The following RPH3A variants were observed in gnomAD, a reference collection of about 807,000 sequenced individuals.
RPH3A encodes the protein rabphilin-3A.
In RPH3A, 48 loss-of-function variants were observed where a neutral mutation model predicts 102.2. The observed-to-expected ratio is 0.47, with a 90% CI of 0.37 to 0.60. RPH3A has a LOEUF of 0.60. Among genes scored for constraint, RPH3A ranks in the 20% least tolerant of loss-of-function variants. The probability of loss-of-function intolerance (pLI) is 0.00; values close to 1 mark genes in which losing one functional copy is unlikely to be tolerated. For synonymous variants in RPH3A, 310 were observed against 324.3 expected (o/e 0.96, Z 0.47); for missense variants, 781 against 910.1 (o/e 0.86, Z 1.83).
At chr12:112,727,457 AGACACACACACAC>A (rs2040600769) in intron 1 of RPH3A, among the ~76,000 whole-genome samples, 1 of 42,318 alleles carries the variant, frequency 2.4e-5, no homozygotes, top group Non-Finnish European at 3.9e-5. Context: ...ACACAGACAC[AGACACACACACAC>A]ACACACACAC....
At chr12:112,863,051 A>G (rs1198598747) in intron 5 of RPH3A, among the ~76,000 whole-genome samples, 1 of 152,092 alleles carries the variant, frequency 6.6e-6, no homozygotes, top group Non-Finnish European at 1.5e-5. Context: ...ATGGGCAAGG[A>G]GATGACTTCA....
intron 1 of RPH3A, chr12:112,617,938 G>A (rs754019068): frequency 6.6e-6 from 1 of 152,222 alleles, no homozygotes; most frequent in Non-Finnish European, 1.5e-5. Flanking sequence ...TAAGGCAGAA[G>A]AGTGTAAAGG....
chr12:112,647,870 A>G (rs1283765435), intron 1 of RPH3A, among the ~76,000 whole-genome samples: 1 of 152,204 alleles, frequency 6.6e-6, no homozygotes, highest in Non-Finnish European at 1.5e-5. Context: ...ATGAAAGTCA[A>G]ATGCTTTGAA....
intron 1 of RPH3A, among the ~76,000 whole-genome samples, chr12:112,627,848 A>G (rs2039777044): frequency 1.3e-5 from 2 of 152,152 alleles, no homozygotes. Context: ...ATTTGTAAAG[A>G]AAAGAGGTTT....
intron 5 of RPH3A, among the ~76,000 whole-genome samples, chr12:112,852,444 C>T: frequency 6.6e-6 from 1 of 152,168 alleles, no homozygotes; most frequent in East Asian, 1.9e-4. Flanking sequence ...TATAAGGGTT[C>T]AGAGATATCT....
chr12:112,837,172 A>T (rs2042065981), intron 4 of RPH3A, among the ~76,000 whole-genome samples: 1 of 152,196 alleles, frequency 6.6e-6, no homozygotes, highest in Non-Finnish European at 1.5e-5. Flanking sequence ...CCCCGCAATC[A>T]TGGGACTCTG....
intron 1 of RPH3A, among the ~76,000 whole-genome samples, chr12:112,752,592 GT>G (rs1257949145): frequency 1.1e-4 from 10 of 94,882 alleles, no homozygotes; most frequent in African/African-American, 5.0e-4. Flanking sequence ...GAGCAGGCAA[GT>G]CTTTTTTTTT....
At chr12:112,831,650 C>T (rs2041972380) in intron 3 of RPH3A, 3 of 305,520 alleles carry the variant, frequency 9.8e-6, no homozygotes, top group Non-Finnish European at 2.0e-5. Context: ...TTTACTTCTT[C>T]CTGAAGTACA....
intron 1 of RPH3A, among the ~76,000 whole-genome samples, chr12:112,677,443 T>A (rs1004942788): frequency 4.5e-5 from 5 of 110,976 alleles, no homozygotes; most frequent in Admixed American, 9.1e-5. Flanking sequence ...CCTTCCTTCC[T>A]TCCTTCCTTC....
At chr12:112,895,510 T>C (rs1227154657) in intron 20 of RPH3A, 2 of 385,522 alleles carry the variant, frequency 5.2e-6, no homozygotes, top group Non-Finnish European at 9.6e-6. Flanking sequence ...AAACTTGAGC[T>C]CTATTAGAAA....
At position 112,853,277 on chromosome 12, in the gene RPH3A, C is replaced by T. The variant is rs143771031; in HGVS notation, c.230+5435C>T. 4.9e-3 allele frequency among the ~76,000 whole-genome samples: 742 copies of T among 152,282 alleles called. 6 individuals are homozygous for T. Among genetic ancestry groups the T allele is most frequent in the African/African-American group, 0.017 (695 of 41,556 alleles). Reference sequence around the variant, plus strand: ...TCTTTCTAAAGGAGGACTCTTCTCCCGCATTTAAACCTAAAGTCTTCAACA... The same window carrying T: ...TCTTTCTAAAGGAGGACTCTTCTCCTGCATTTAAACCTAAAGTCTTCAACA... On this transcript the variant is annotated intron_variant, in intron 5 of 21. Coordinates refer to ENST00000389385, the MANE Select transcript of RPH3A (RefSeq NM_001143854.2).
chr12:112,594,476 A>G (rs952477886), intron 1 of RPH3A, among the ~76,000 whole-genome samples: 1 of 151,926 alleles, frequency 6.6e-6, no homozygotes, highest in African/African-American at 2.4e-5. Context: ...CCTTCCATCT[A>G]TCCATCTCAT....
chr12:112,896,510 T>G lies in RPH3A; in HGVS notation c.1955-140T>G. ...AATAATAACAACAACAGCAGCAACGTTATAACAACTCTCTATAGAGTATGG... is the reference window on the plus strand; with the variant it reads ...AATAATAACAACAACAGCAGCAACGGTATAACAACTCTCTATAGAGTATGG... On this transcript the variant is annotated intron_variant, in intron 21 of 21. Coordinates refer to ENST00000389385, the MANE Select transcript of RPH3A (RefSeq NM_001143854.2). 13 of 940,932 alleles carry G rather than the reference T, an allele frequency of 1.4e-5. No homozygotes were observed. The South Asian group carries it at 2.3e-4, about 16-fold the overall frequency. 58.3% of individuals were successfully genotyped at this position (940,932 alleles called of 1,614,324 possible).
chr12:112,870,253 T>C (rs1174918331), intron 10 of RPH3A, among the ~76,000 whole-genome samples: 1 of 147,728 alleles, frequency 6.8e-6, no homozygotes, highest in Non-Finnish European at 1.5e-5. Context: ...TTTGGTTAGA[T>C]CCTTTTCTTG....
intron 7 of RPH3A, 82 bp from the exon 8 acceptor site, chr12:112,868,347 GA>G (rs1299974609): frequency 7.1e-7 from 1 of 1,407,998 alleles, no homozygotes; most frequent in Non-Finnish European, 9.8e-7. Flanking sequence ...GGATGAGGAG[GA>G]AAGATAAAAA....
At chr12:112,751,533 CTAA>C (rs912343427) in intron 1 of RPH3A, among the ~76,000 whole-genome samples, 1 of 152,154 alleles carries the variant, frequency 6.6e-6, no homozygotes, top group Non-Finnish European at 1.5e-5. Flanking sequence ...TATGCTAATA[CTAA>C]TTATTATTCC....
intron 5 of RPH3A, among the ~76,000 whole-genome samples, chr12:112,863,054 T>A (rs2042548425): frequency 6.6e-6 from 1 of 151,928 alleles, no homozygotes; most frequent in South Asian, 2.1e-4. Flanking sequence ...GGCAAGGAGA[T>A]GACTTCAAGC....
chr12:112,874,430 G>C (rs1246926241), intron 10 of RPH3A, among the ~76,000 whole-genome samples: 1 of 152,176 alleles, frequency 6.6e-6, no homozygotes, highest in East Asian at 1.9e-4. Context: ...GTTATTAGTA[G>C]AAATTAAAGA....
At chr12:112,720,192 G>A (rs994082554) in intron 1 of RPH3A, among the ~76,000 whole-genome samples, 6 of 152,380 alleles carry the variant, frequency 3.9e-5, no homozygotes, top group Middle Eastern at 3.4e-3. Flanking sequence ...GCACATGCAC[G>A]TGTGCTCATG....
Sources: gnomAD v4.1 joint callset for allele counts (sites outside exome capture counted in the v4.1 genomes callset) on GRCh38, gnomAD v4.1.1 for gene constraint, MANE v1.5 for transcripts, NCBI Gene and HGNC (gene_info 2026-07-23, HGNC 2026-07-21) for gene names.